Variants in ADAM20 observed in about 807,000 individuals in gnomAD.
ADAM20 encodes the protein ADAM metallopeptidase domain 20.
For synonymous variants in ADAM20, 305 were observed against 310.2 expected (o/e 0.98, Z 0.18); for missense variants, 871 against 883.2 (o/e 0.99, Z 0.18).
the ADAM20 span, among the ~76,000 whole-genome samples, chr14:70,567,775 G>A: frequency 1.3e-5 from 2 of 152,146 alleles, no homozygotes; most frequent in South Asian, 4.2e-4. Context: ...AGGGTGTTTC[G>A]GTGGCCCACA....
the ADAM20 span, among the ~76,000 whole-genome samples, chr14:70,541,481 TA>T: frequency 6.6e-6 from 1 of 152,234 alleles, no homozygotes; most frequent in Admixed American, 6.5e-5. Context: ...TGGGTTTTTT[TA>T]AAACACTAAC....
At chr14:70,565,021 T>A in the ADAM20 span, among the ~76,000 whole-genome samples, 6 of 150,986 alleles carry the variant, frequency 4.0e-5, no homozygotes, top group African/African-American at 1.5e-4. Context: ...GCACTCCAGC[T>A]CTGGGCAACA....
chr14:70,558,175 T>A, the ADAM20 span, among the ~76,000 whole-genome samples: 2 of 151,866 alleles, frequency 1.3e-5, no homozygotes, highest in African/African-American at 2.4e-5. Flanking sequence ...GTAGAAGCAA[T>A]CAAAGCAAAG....
chr14:70,567,135 A>G, the ADAM20 span, among the ~76,000 whole-genome samples: 1 of 152,178 alleles, frequency 6.6e-6, no homozygotes, highest in Non-Finnish European at 1.5e-5. Context: ...CCAGCTGGCT[A>G]GCTCCTGTAG....
chr14:70,530,650 A>G (rs2139538203), intron 1 of ADAM20, among the ~76,000 whole-genome samples: 1 of 152,326 alleles, frequency 6.6e-6, no homozygotes, highest in East Asian at 1.9e-4. Flanking sequence ...GCTCCATTGT[A>G]ATATGAGACC....
the ADAM20 span, among the ~76,000 whole-genome samples, chr14:70,578,943 G>T: frequency 6.6e-6 from 1 of 152,144 alleles, no homozygotes; most frequent in Admixed American, 6.5e-5. Context: ...TGTGGTATTT[G>T]GTTTTCCATT....
upstream of ADAM20, among the ~76,000 whole-genome samples, chr14:70,536,431 A>G (rs1414185923): frequency 7.5e-6 from 1 of 132,654 alleles, no homozygotes; most frequent in East Asian, 2.3e-4. Flanking sequence ...ACAACATTGC[A>G]CTCCAGCCTG....
intron 1 of ADAM20, among the ~76,000 whole-genome samples, 155 bp downstream of exon 1, chr14:70,534,642 G>C (rs1883792270): frequency 6.6e-6 from 1 of 152,168 alleles, no homozygotes; most frequent in Non-Finnish European, 1.5e-5. Flanking sequence ...AAAATAGAAT[G>C]TTAGTTGCCA....
chr14:70,554,268 G>C, the ADAM20 span, among the ~76,000 whole-genome samples: 1 of 152,168 alleles, frequency 6.6e-6, no homozygotes, highest in Middle Eastern at 3.2e-3. Context: ...GCCCTTGTAC[G>C]CTGTTGGTGG....
chr14:70,568,713 A>G, the ADAM20 span, among the ~76,000 whole-genome samples: 1 of 152,196 alleles, frequency 6.6e-6, no homozygotes, highest in Non-Finnish European at 1.5e-5. Context: ...AAATTTTGCT[A>G]AAGGAATTTC....
Position 70,530,020 on chromosome 14 carries a change from C to T in ADAM20, c.-177+4777G>A, listed in dbSNP as rs190040412. On this transcript the variant is annotated intron_variant, in intron 1 of 1. Transcript: ENST00000256389. ...ATCGTAGGCCAGGCATGGTGGCTCACGCCTGTAATCCCAGCACTTTGGGAG... is the reference window on the plus strand; with the variant it reads ...ATCGTAGGCCAGGCATGGTGGCTCATGCCTGTAATCCCAGCACTTTGGGAG... 5.3e-5 allele frequency among the ~76,000 whole-genome samples: 8 copies of T among 152,270 alleles called. No homozygotes were observed. In the East Asian group the frequency reaches 5.8e-4, roughly 11 times the overall value.
chr14:70,560,734 T>C, the ADAM20 span, among the ~76,000 whole-genome samples: 6 of 149,748 alleles, frequency 4.0e-5, no homozygotes, highest in Non-Finnish European at 7.4e-5. Context: ...CTCTCTCTCT[T>C]GCCACCATGT....
At chr14:70,531,441 G>A (rs1883709093) in intron 1 of ADAM20, among the ~76,000 whole-genome samples, 1 of 152,092 alleles carries the variant, frequency 6.6e-6, no homozygotes, top group African/African-American at 2.4e-5. Flanking sequence ...TTTCCTCTAA[G>A]ATCTGGAACA....
In ADAM20 at chr14:70,524,849, A is replaced by G. The variant is rs748967558; in HGVS notation, c.-92T>C. 2 of 1,613,132 alleles carry G rather than the reference A, an allele frequency of 1.2e-6. No individual in the cohort carries two copies. The highest frequency in any genetic ancestry group is 1.1e-5 in the South Asian group (1 of 91,046). On this transcript the variant is annotated 5_prime_UTR_variant, in exon 2 of 2. Transcript: ENST00000256389. The stretch of plus-strand genomic sequence containing the variant: ...TCTGGCTCCTCCCTCTGAGCTGTTC[A>G]GGGTGCATGGCTGACCTTTAGGGAT...
chr14:70,523,712 C>T lies in ADAM20; in HGVS notation c.1046G>A (p.Gly349Asp), dbSNP rs1186926862. The change falls in exon 2 of 2, where the codon GGT (glycine) becomes GAT (aspartate). Residue 349 changes from glycine (G) to aspartate (D), a missense_variant. Coordinates refer to ENST00000256389, the MANE Select transcript of ADAM20 (RefSeq NM_003814.5). ...TLGHELGHNL[G>D]MQHDTQWCVC... ...ACACCACTGGGTGTCATGTTGCATA[C>T]CCAAATTATGACCAAGCTCGTGGCC... The T allele has an allele frequency of 6.2e-7, 1 of 1,613,916 alleles. No homozygotes were observed. Among genetic ancestry groups the T allele is most frequent in the Non-Finnish European group, 8.5e-7 (1 of 1,179,966 alleles).
chr14:70,555,694 A>T, the ADAM20 span, among the ~76,000 whole-genome samples: 591 of 152,318 alleles, frequency 3.9e-3, 5 homozygotes, highest in African/African-American at 0.014. Flanking sequence ...ATAGCCTCTT[A>T]CAGTGTGGCC....
At chr14:70,554,626 C>A in the ADAM20 span, among the ~76,000 whole-genome samples, 1 of 152,108 alleles carries the variant, frequency 6.6e-6, no homozygotes, top group Admixed American at 6.6e-5. Context: ...ACCTGGAGGA[C>A]ATCATGCTAA....
the ADAM20 span, among the ~76,000 whole-genome samples, chr14:70,567,517 T>C: frequency 7.2e-5 from 11 of 152,196 alleles, no homozygotes; most frequent in African/African-American, 2.4e-4. Flanking sequence ...CCATACACTA[T>C]TGCAGACACA....
At chr14:70,565,332 G>A in the ADAM20 span, among the ~76,000 whole-genome samples, 1 of 151,814 alleles carries the variant, frequency 6.6e-6, no homozygotes, top group Non-Finnish European at 1.5e-5. Flanking sequence ...GAGGAGAAGA[G>A]AAAGAGAAAG....
Sources: allele counts gnomAD v4.1 joint callset (sites outside exome capture counted in the v4.1 genomes callset), GRCh38; gene constraint gnomAD v4.1.1; transcripts MANE v1.5; gene names NCBI Gene and HGNC (gene_info 2026-07-23, HGNC 2026-07-21).